The following VPS13D variants were observed in gnomAD, a reference collection of about 807,000 sequenced individuals.
VPS13D encodes vacuolar protein sorting 13 homolog D.
A neutral mutation model predicts 461.9 loss-of-function variants in VPS13D; 187 were observed. The ratio of observed to expected loss-of-function variants is 0.40; its 90% CI spans 0.36 to 0.46. The LOEUF is 0.46. Among genes scored for constraint, VPS13D ranks in the 20% least tolerant of loss-of-function variants. The pLI is 0.60. For missense variants in VPS13D, 4,711 were observed against 5,364.9 expected, an observed-to-expected ratio of 0.88 and a Z score of 3.81; for synonymous variants, 1,951 against 1,986.3, an observed-to-expected ratio of 0.98 and a Z score of 0.47.
rs1262271604 is a variant in VPS13D, at chr1:12,349,228, T to G, written c.9285T>G (p.Ser3095=). The G allele has an allele frequency of 6.2e-7, 1 of 1,614,114 alleles. No individual in the cohort carries two copies. Among genetic ancestry groups the G allele is most frequent in the Non-Finnish European group, 8.5e-7 (1 of 1,180,048 alleles). The part of the protein sequence containing the change: ...DSFAVPLHLT[S]WRLQARPKGL... The stretch of plus-strand genomic sequence containing the variant: ...TTGCTGTGCCTTTACACCTCACTTC[T>G]TGGCGGCTACAGGCCCGGCCCAAAG... The change falls in exon 46 of 70, where the codon TCT becomes TCG. Residue 3095 remains serine (S), a synonymous_variant. Transcript: ENST00000620676.
chr1:12,293,970 T>G (rs1411946317), intron 24 of VPS13D, among the ~76,000 whole-genome samples: 1 of 152,224 alleles, frequency 6.6e-6, no homozygotes, highest in Non-Finnish European at 1.5e-5. Flanking sequence ...AGACTTCTGG[T>G]CCCTTTTAGG....
At chr1:12,498,695 C>A (rs1157608324) in intron 68 of VPS13D, among the ~76,000 whole-genome samples, 1 of 152,146 alleles carries the variant, frequency 6.6e-6, no homozygotes, top group African/African-American at 2.4e-5. Context: ...TCTCACAGTT[C>A]TAAAGGCTGA....
At position 12,385,350 on chromosome 1, in the gene VPS13D, C is replaced by G. The variant is rs1211914218; in HGVS notation, c.11461C>G (p.Pro3821Ala). 2 of 1,613,328 alleles carry G rather than the reference C, an allele frequency of 1.2e-6. No homozygotes were observed. Among genetic ancestry groups the G allele is most frequent in the African/African-American group, 2.7e-5 (2 of 74,876 alleles). ...TEQELQKLKN[P>A]DTEQELEVLV... ...ACAAGAGCTGCAGAAATTAAAGAAT[C>G]CAGATACAGAGCAGGAATTGGAAGT... The change falls in exon 59 of 70, where the codon CCA (proline) becomes GCA (alanine). Residue 3821 changes from proline to alanine, a missense_variant. Physicochemically the swap from Pro to Ala is conservative, Grantham distance 27 (BLOSUM62 -1). Coordinates refer to ENST00000620676, the MANE Select transcript of VPS13D (RefSeq NM_015378.4).
chr1:12,322,448 A>C (rs1643065657), intron 33 of VPS13D, 88 bp from the exon 34 acceptor site: 2 of 1,315,924 alleles, frequency 1.5e-6, no homozygotes, highest in Non-Finnish European at 2.1e-6. Flanking sequence ...GACTTTTAGA[A>C]GTTGAAATAG....
Position 12,400,165 on chromosome 1 carries a change from CT to C in VPS13D, c.11635-13del. On this transcript the variant is annotated splice_polypyrimidine_tract_variant and intron_variant, in intron 60 of 69. Coordinates refer to ENST00000620676, the MANE Select transcript of VPS13D (RefSeq NM_015378.4). ...TCTGTTTTTGTTTTTGCTTTGCTAC[CT>C]TTCCATGGCCGTAGGTGGACAATCA... The C allele has an allele frequency of 1.9e-6, 3 of 1,608,942 alleles. No homozygotes were observed. Among genetic ancestry groups the C allele is most frequent in the Non-Finnish European group, 2.5e-6 (3 of 1,177,080 alleles).
Position 12,282,990 on chromosome 1 carries a change from C to T in VPS13D, c.4888C>T (p.Gln1630Ter), listed in dbSNP as rs747541475. 1 of 1,614,172 alleles carries T rather than the reference C, an allele frequency of 6.2e-7. No individual in the cohort carries two copies. The highest frequency in any genetic ancestry group is 8.5e-7 in the Non-Finnish European group (1 of 1,180,032). Residue 1630 changes from glutamine to a stop codon, truncating the protein, a stop_gained, in exon 21 of 70, where the codon CAG becomes TAG. Coordinates refer to ENST00000620676, the MANE Select transcript of VPS13D (RefSeq NM_015378.4). LOFTEE classifies it high-confidence loss of function. Reference sequence around the variant, plus strand: ...CTTTTGTATATCAGAGCTTCAGGTTCAGCTAAGTGGAGATCTGACTTTGGG... The same window carrying T: ...CTTTTGTATATCAGAGCTTCAGGTTTAGCTAAGTGGAGATCTGACTTTGGG... ...ATFCISELQV[Q>*]LSGDLTLGAQ...
chr1:12,273,447 G>C (rs1641513112), intron 18 of VPS13D, among the ~76,000 whole-genome samples: 1 of 152,074 alleles, frequency 6.6e-6, no homozygotes, highest in South Asian at 2.1e-4. Context: ...TGTATAGTGC[G>C]GTTGTTTTTG....
In VPS13D at chr1:12,279,833, C is replaced by T. The variant is rs1317184244; in HGVS notation, c.4602+183C>T. ...TGGAATCCTTTTGTCATGGGGAATC[C>T]GTCTTGTCAGCCTTTTTCATATGGA... On this transcript the variant is annotated intron_variant, in intron 20 of 69. Coordinates refer to ENST00000620676, the MANE Select transcript of VPS13D (RefSeq NM_015378.4). The surrounding 1 kb of genome is among the most constrained non-coding windows in gnomAD (Gnocchi z 4.3). Among the ~76,000 whole-genome samples the T allele has an allele frequency of 2.0e-5, 3 of 152,084 alleles. No homozygotes were observed. Among genetic ancestry groups the T allele is most frequent in the Non-Finnish European group, 2.9e-5 (2 of 68,006 alleles).
intron 63 of VPS13D, among the ~76,000 whole-genome samples, chr1:12,404,634 G>A (rs1304313764): frequency 6.6e-6 from 1 of 152,126 alleles, no homozygotes; most frequent in African/African-American, 2.4e-5. Context: ...ATCCAAGCCT[G>A]TCTGACTCTA....
At chr1:12,287,308 GTCT>G (rs1385300109) in intron 21 of VPS13D, among the ~76,000 whole-genome samples, 4 of 152,272 alleles carry the variant, frequency 2.6e-5, no homozygotes, top group Admixed American at 1.3e-4. Flanking sequence ...CTTTTTCTCT[GTCT>G]TCTTCTGTAA....
At chr1:12,368,281 C>T (rs1290846571) in intron 52 of VPS13D, among the ~76,000 whole-genome samples, 187 bp from the exon 53 acceptor site, 1 of 152,136 alleles carries the variant, frequency 6.6e-6, no homozygotes, top group Non-Finnish European at 1.5e-5. Flanking sequence ...TAGAAAATCA[C>T]CATTTTGTAA....
intron 54 of VPS13D, among the ~76,000 whole-genome samples, chr1:12,373,093 T>A (rs1009499771): frequency 1.1e-4 from 15 of 137,612 alleles, no homozygotes; most frequent in African/African-American, 4.2e-4. Flanking sequence ...TTGTCTGGCT[T>A]GGTTTTTTTT....
intron 67 of VPS13D, among the ~76,000 whole-genome samples, chr1:12,492,990 A>T (rs1311978890): frequency 6.6e-6 from 1 of 152,162 alleles, no homozygotes; most frequent in Non-Finnish European, 1.5e-5. Flanking sequence ...AAGATTCAGA[A>T]CAGCGGCTGC....
In VPS13D at chr1:12,416,081, G is replaced by A. The variant is rs77311052; in HGVS notation, c.12166-579G>A. On this transcript the variant is annotated intron_variant, in intron 64 of 69. Transcript: ENST00000620676. Reference sequence around the variant, plus strand: ...TTGCCTGTAGTCCCAGCTACGGGAGGCTGAGGTAGGAGGACTGCTTGAGCC... The same window carrying A: ...TTGCCTGTAGTCCCAGCTACGGGAGACTGAGGTAGGAGGACTGCTTGAGCC... 8.1e-3 allele frequency among the ~76,000 whole-genome samples: 1,236 copies of A among 152,306 alleles called. 67 individuals are homozygous for A. The East Asian group carries it at 0.13, about 16-fold the overall frequency.
intron 17 of VPS13D, among the ~76,000 whole-genome samples, chr1:12,272,437 A>G (rs1306489978): frequency 6.7e-6 from 1 of 149,940 alleles, no homozygotes; most frequent in Non-Finnish European, 1.5e-5. Context: ...GTGTTTCTAC[A>G]TAAAGTATGA....
chr1:12,270,481 A>G (rs899125692), intron 16 of VPS13D, among the ~76,000 whole-genome samples: 19 of 152,144 alleles, frequency 1.2e-4, no homozygotes, highest in Non-Finnish European at 1.8e-4. Context: ...AAAAAAGAAT[A>G]TAGAAGGCAT....
intron 50 of VPS13D, among the ~76,000 whole-genome samples, chr1:12,359,290 A>G (rs1176005619): frequency 6.6e-6 from 1 of 152,224 alleles, no homozygotes; most frequent in Non-Finnish European, 1.5e-5. Context: ...TCCTTTCAGT[A>G]TATAATTTCC....
At chr1:12,447,461 C>A (rs956469613) in intron 65 of VPS13D, among the ~76,000 whole-genome samples, 5 of 152,140 alleles carry the variant, frequency 3.3e-5, no homozygotes, top group Admixed American at 3.3e-4. Flanking sequence ...ACATGACGAA[C>A]GTTGTTGGCT....
intron 40 of VPS13D, 120 bp downstream of exon 40, chr1:12,338,425 T>C: frequency 2.5e-6 from 2 of 806,074 alleles, no homozygotes. Context: ...GTGAGTACTT[T>C]AGTAATAGGA....
Sources: allele counts gnomAD v4.1 joint callset (sites outside exome capture counted in the v4.1 genomes callset), GRCh38; gene constraint gnomAD v4.1.1; non-coding constraint Gnocchi (gnomAD v3.1); transcripts MANE v1.5; gene names NCBI Gene and HGNC (gene_info 2026-07-23, HGNC 2026-07-21).